The following ATM variants were observed in gnomAD, a reference collection of about 807,000 sequenced individuals.
ATM encodes ATM serine/threonine kinase, also known as serine-protein kinase ATM.
ATM carries 308 observed loss-of-function variants against 387.0 expected under a neutral mutation model. The ratio of observed to expected loss-of-function variants is 0.80; its 90% confidence interval spans 0.73 to 0.87. The LOEUF is 0.87. Among genes scored for constraint, ATM ranks in the 40% least tolerant of loss-of-function variants. The pLI, the probability that ATM is intolerant of heterozygous loss-of-function variation, is 0.00. For synonymous variants in ATM, 1,156 were observed against 1,187.3 expected (o/e 0.97, Z 0.54); for missense variants, 3,312 against 3,560.9 (o/e 0.93, Z 1.78).
chr11:108,250,663 G>A (rs1317891053), intron 9 of ATM, 38 bp from the exon 10 acceptor site: 2 of 1,571,316 alleles, frequency 1.3e-6, no homozygotes, highest in Non-Finnish European at 1.7e-6. Context: ...TTAATGTGAT[G>A]GAATAGTTTT....
chr11:108,283,593 T>C (rs2082339451), intron 25 of ATM, among the ~76,000 whole-genome samples: 1 of 152,206 alleles, frequency 6.6e-6, no homozygotes, highest in African/African-American at 2.4e-5. Flanking sequence ...AAGAAGGATA[T>C]TCCTACAAAA....
chr11:108,277,151 C>T lies in ATM; in HGVS notation c.3285-2340C>T, dbSNP rs1471223725. On this transcript the variant is annotated intron_variant, in intron 22 of 62. Coordinates refer to ENST00000675843, the MANE Select transcript of ATM (RefSeq NM_000051.4). ...CCACCCAGTTCGAACTTCCTACTGGCTGTGTTTATACTGTGAGGGGAAAAC... is the reference window on the plus strand; with the variant it reads ...CCACCCAGTTCGAACTTCCTACTGGTTGTGTTTATACTGTGAGGGGAAAAC... 2.6e-5 allele frequency among the ~76,000 whole-genome samples: 4 copies of T among 152,158 alleles called. No homozygotes were observed. In the South Asian group the frequency reaches 8.3e-4, roughly 31 times the overall value.
chr11:108,303,142 T>C, intron 36 of ATM, 113 bp downstream of exon 36: 1 of 1,106,618 alleles, frequency 9.0e-7, no homozygotes, highest in Admixed American at 2.4e-5. Context: ...CAAACTGTTG[T>C]AAATTTATTA....
intron 25 of ATM, 48 bp from the exon 26 acceptor site, chr11:108,284,179 C>T: frequency 7.0e-7 from 1 of 1,425,678 alleles, no homozygotes; most frequent in Non-Finnish European, 9.5e-7. Flanking sequence ...TAAAATTTTA[C>T]TTGGAAAAGT....
At chr11:108,251,608 A>C (rs553057028) in intron 10 of ATM, among the ~76,000 whole-genome samples, 1 of 152,304 alleles carries the variant, frequency 6.6e-6, no homozygotes, top group African/African-American at 2.4e-5. Flanking sequence ...TTTATGTGCA[A>C]TTTATCATTA....
At position 108,340,731 on chromosome 11, in the gene ATM, T is replaced by G. The variant is rs929244467; in HGVS notation, c.8269-2491T>G. 2.0e-5 allele frequency among the ~76,000 whole-genome samples: 3 copies of G among 152,168 alleles called. No individual in the cohort carries two copies. In the South Asian group the frequency reaches 6.2e-4, roughly 32 times the overall value. On this transcript the variant is annotated intron_variant, in intron 56 of 62. Transcript: ENST00000675843. ...TATTCGGTATCTGTGGGGGATTGTT[T>G]CCAGAGCCCCCTGTGGATACTAAAA... is the stretch of plus-strand genomic sequence containing the variant.
rs1555066451 is a variant in ATM at position 108,244,067 on chromosome 11, G to A, written c.611G>A (p.Gly204Glu). Residue 204 changes from glycine (G) to glutamate (E), a missense_variant, in exon 6 of 63, where the codon GGA (glycine) becomes GAA (glutamate). Physicochemically the swap from Gly to Glu is moderately conservative, Grantham distance 98. This residue lies in a region of ATM where 1,791 missense variants were observed against 1,804.5 expected (regional missense o/e 0.99). Transcript: ENST00000675843. ...VTKGCCSQTD[G>E]LNSKFLDFFS... ...AAAGGATGCTGTTCTCAGACTGACG[G>A]ATTAAATTCCAAATTTTTGGACTTT... The A allele has an allele frequency of 6.2e-7, 1 of 1,613,790 alleles. No individual in the cohort carries two copies. The highest frequency in any genetic ancestry group is 8.5e-7 in the Non-Finnish European group (1 of 1,179,902).
At chr11:108,315,298 T>C (rs1370791137) in intron 40 of ATM, among the ~76,000 whole-genome samples, 1 of 152,258 alleles carries the variant, frequency 6.6e-6, no homozygotes, top group Non-Finnish European at 1.5e-5. Context: ...GCAATTATGA[T>C]TTAATACTGC....
intron 56 of ATM, among the ~76,000 whole-genome samples, chr11:108,341,366 A>C (rs227072): frequency 0.54 from 81,890 of 151,648 alleles, 22,634 homozygotes; most frequent in Middle Eastern, 0.75. Context: ...TTTAAACTTA[A>C]GTTTTGTTCT....
intron 16 of ATM, among the ~76,000 whole-genome samples, chr11:108,262,997 A>G (rs2080998333): frequency 6.6e-6 from 1 of 152,162 alleles, no homozygotes; most frequent in Non-Finnish European, 1.5e-5. Context: ...GTCCTGAGTG[A>G]CCTACAAACA....
chr11:108,248,906 A>G, intron 8 of ATM, 27 bp from the exon 9 acceptor site: 5 of 1,582,474 alleles, frequency 3.2e-6, no homozygotes, highest in Non-Finnish European at 4.3e-6. Context: ...AAAAAAAGAA[A>G]AAAGTGGATT....
rs1264932751 is a variant in ATM at position 108,312,479 on chromosome 11, A to G, written c.5987A>G (p.Glu1996Gly). The G allele has an allele frequency of 1.9e-6, 3 of 1,575,078 alleles. No individual in the cohort carries two copies. Among genetic ancestry groups the G allele is most frequent in the South Asian group, 1.1e-5 (1 of 90,206 alleles). The change falls in exon 40 of 63, where the codon GAA (glutamate) becomes GGA (glycine). Residue 1996 changes from glutamate (E) to glycine (G), a missense_variant. Physicochemically the swap from Glu to Gly is moderately conservative, Grantham distance 98. Transcript: ENST00000675843. ...AGCTTGAGTGAAAAAAGTAAAGAAG[A>G]AACTGGAATAAGTTTACAGGTAAAT... ...ISSLSEKSKE[E>G]TGISLQDLLL...
At chr11:108,270,763 T>G (rs922956399) in intron 18 of ATM, among the ~76,000 whole-genome samples, 5 of 152,166 alleles carry the variant, frequency 3.3e-5, no homozygotes, top group Admixed American at 1.3e-4. Flanking sequence ...TGGCGCGATC[T>G]CGGCTCACTG....
chr11:108,313,571 T>G (rs2084353089), intron 40 of ATM, among the ~76,000 whole-genome samples: 1 of 152,214 alleles, frequency 6.6e-6, no homozygotes. Context: ...TGTGTTCTGT[T>G]TACCTTTTTG....
chr11:108,358,048 A>G (rs2137515691), intron 61 of ATM, among the ~76,000 whole-genome samples: 1 of 145,886 alleles, frequency 6.9e-6, no homozygotes, highest in East Asian at 2.0e-4. Context: ...CAACTTTGAA[A>G]AAAATTTAGA....
chr11:108,255,949 C>CT (rs1049948939), intron 13 of ATM, among the ~76,000 whole-genome samples: 4 of 151,888 alleles, frequency 2.6e-5, no homozygotes, highest in Non-Finnish European at 5.9e-5. Flanking sequence ...ATTTAAGGGC[C>CT]TATGTGTACA....
chr11:108,329,037 G>A lies in ATM; in HGVS notation c.7106G>A (p.Gly2369Glu), dbSNP rs2085974792. The A allele has an allele frequency of 6.2e-7, 1 of 1,614,058 alleles. No individual in the cohort carries two copies. Among genetic ancestry groups the A allele is most frequent in the African/African-American group, 1.3e-5 (1 of 75,044 alleles). The change falls in exon 49 of 63, where the codon GGA (glycine) becomes GAA (glutamate). Residue 2369 changes from glycine (G) to glutamate (E), a missense_variant. Around this residue, in one of 4 missense-constraint regions of ATM, gnomAD observed 1,405 missense variants for 1,604.4 expected, o/e 0.88. Transcript: ENST00000675843. Reference protein sequence around the residue: ...TYLEKAVEVAGNYDGESSDEL... With the variant: ...TYLEKAVEVAENYDGESSDEL... ...TTCTTGAAGGCAGTAGAAGTTGCTG[G>A]AAATTATGATGGAGAAAGTAGTGAT...
At position 108,365,697 on chromosome 11, in the gene ATM, C is replaced by T. The variant is rs1260686510; in HGVS notation, c.*189C>T. 2 of 730,374 alleles carry T rather than the reference C, an allele frequency of 2.7e-6. No homozygotes were observed. Among genetic ancestry groups the T allele is most frequent in the Non-Finnish European group, 4.4e-6 (2 of 457,548 alleles). 45.2% of individuals were successfully genotyped at this position (730,374 alleles called of 1,614,324 possible). On this transcript the variant is annotated 3_prime_UTR_variant, in exon 63 of 63. Coordinates refer to ENST00000675843, the MANE Select transcript of ATM (RefSeq NM_000051.4). ...ATGTTTTGATGGTCTTAAGGAACAT[C>T]TCTGCTTTCACTCTTTAGAAATAAT...
intron 13 of ATM, among the ~76,000 whole-genome samples, chr11:108,255,412 A>G (rs1312434790): frequency 6.9e-6 from 1 of 145,038 alleles, no homozygotes; most frequent in Non-Finnish European, 1.5e-5. Flanking sequence ...ATTCTATAAA[A>G]TTGTCTAAAC....
Sources: gnomAD v4.1 joint callset for allele counts (sites outside exome capture counted in the v4.1 genomes callset) on GRCh38, gnomAD v4.1.1 for gene constraint, gnomAD v4.1.1 regional missense constraint, MANE v1.5 for transcripts, NCBI Gene and HGNC (gene_info 2026-07-23, HGNC 2026-07-21) for gene names.